Variants in USP25 observed in about 807,000 individuals in gnomAD.
The protein encoded by USP25 is ubiquitin carboxyl-terminal hydrolase 25.
A neutral mutation model predicts 158.5 loss-of-function variants in USP25; 85 were observed. That is an observed-to-expected ratio of 0.54 (90% CI 0.45 to 0.64). The LOEUF is 0.64. USP25 is among the 30% of genes least tolerant of loss of function. The pLI is 0.00. For synonymous variants in USP25, 464 were observed against 460.4 expected, an observed-to-expected ratio of 1.01 and a Z score of -0.10; for missense variants, 1,242 against 1,327.3, an observed-to-expected ratio of 0.94 and a Z score of 1.00.
chr21:15,808,431 C>T (rs1006803678), intron 7 of USP25, among the ~76,000 whole-genome samples: 4 of 152,044 alleles, frequency 2.6e-5, no homozygotes, highest in African/African-American at 4.8e-5. Context: ...CTTTATAAAA[C>T]GAAGAACTGT....
At chr21:15,806,466 G>T in intron 7 of USP25, among the ~76,000 whole-genome samples, 1 of 146,768 alleles carries the variant, frequency 6.8e-6, no homozygotes, top group South Asian at 2.2e-4. Context: ...GATTCATGTT[G>T]ATTTTGGGGT....
intron 1 of USP25, among the ~76,000 whole-genome samples, chr21:15,752,446 C>G (rs2033093327): frequency 6.6e-6 from 1 of 151,484 alleles, no homozygotes; most frequent in Non-Finnish European, 1.5e-5. Flanking sequence ...GAACTCCTGA[C>G]CTTGTGATCC....
intron 4 of USP25, among the ~76,000 whole-genome samples, chr21:15,786,040 AATATAGG>A (rs2035253356): frequency 6.6e-6 from 1 of 152,130 alleles, no homozygotes; most frequent in African/African-American, 2.4e-5. Context: ...CAAATTCTAG[AATATAGG>A]AAAAATGGAT....
rs1389728417 is a variant in USP25 at position 15,766,587 on chromosome 21, TTTA to T, written c.268+452_268+454del. 6.6e-6 allele frequency among the ~76,000 whole-genome samples: 1 copy of T among 151,956 alleles called. No individual in the cohort carries two copies. The highest frequency in any genetic ancestry group is 2.4e-5 in the African/African-American group (1 of 41,414). On this transcript the variant is annotated intron_variant, in intron 3 of 25. Transcript: ENST00000400183. This position sits in a 1 kb window ranked among gnomAD's most constrained non-coding sequence, Gnocchi z 4.0. ...TCCAAATAAAGCTTTGGCAAAGAAGTTTATTATTGTGTAATGAAATTGCCTTTC... is the reference window on the plus strand; with the variant it reads ...TCCAAATAAAGCTTTGGCAAAGAAGTTTATTGTGTAATGAAATTGCCTTTC...
chr21:15,775,765 C>T (rs865963360), intron 3 of USP25, among the ~76,000 whole-genome samples: 117 of 135,270 alleles, frequency 8.6e-4, no homozygotes, highest in Middle Eastern at 3.8e-3. Flanking sequence ...GCCCCCGCTG[C>T]ACTCTGCCTT....
intron 20 of USP25, among the ~76,000 whole-genome samples, chr21:15,851,027 C>T (rs987944077): frequency 6.6e-6 from 1 of 151,792 alleles, no homozygotes; most frequent in African/African-American, 2.4e-5. Flanking sequence ...TAATACATTT[C>T]TTTATAGTTT....
Position 15,826,137 on chromosome 21 carries a change from A to G in USP25, c.1305-67A>G. 1 of 1,482,672 alleles carries G rather than the reference A, an allele frequency of 6.7e-7. No individual in the cohort carries two copies. The highest frequency in any genetic ancestry group is 9.1e-7 in the Non-Finnish European group (1 of 1,097,348). The allele number at this position is 1,482,672 out of a possible 1,614,324, so 91.8% of individuals were successfully genotyped here. On this transcript the variant is annotated intron_variant, in intron 12 of 25. Transcript: ENST00000400183. This position sits in a 1 kb window ranked among gnomAD's most constrained non-coding sequence, Gnocchi z 4.8. ...TTGAAGTATCGTATCACGTTTTATA[A>G]TAATAATAAAGGCCCAAATATGCTG... is the stretch of plus-strand genomic sequence containing the variant.
rs771343653 is a variant in USP25, at chr21:15,831,555, C to A, written c.1919C>A (p.Ser640Tyr). 20 of 1,613,810 alleles carry A rather than the reference C, an allele frequency of 1.2e-5. No individual in the cohort carries two copies. The highest frequency in any genetic ancestry group is 9.3e-6 in the Non-Finnish European group (11 of 1,179,948). Reference sequence around the variant, plus strand: ...TCATGGGAAGAGCTAGTGAGGGACTCTTTTGGTGGTTATAGAAATGCCAGT... The same window carrying A: ...TCATGGGAAGAGCTAGTGAGGGACTATTTTGGTGGTTATAGAAATGCCAGT... ...KSSWEELVRD[S>Y]FGGYRNASAY... The change falls in exon 16 of 26, where the codon TCT (serine) becomes TAT (tyrosine). Residue 640 changes from serine to tyrosine, a missense_variant. Physicochemically the swap from Ser to Tyr is moderately radical, Grantham distance 144. Transcript: ENST00000400183.
intron 1 of USP25, among the ~76,000 whole-genome samples, chr21:15,741,945 A>G (rs1374661673): frequency 6.6e-6 from 1 of 152,226 alleles, no homozygotes; most frequent in Non-Finnish European, 1.5e-5. Context: ...GCACACATAC[A>G]TGAGAAATCT....
intron 17 of USP25, 96 bp downstream of exon 17, chr21:15,833,644 G>A (rs1205922523): frequency 9.2e-7 from 1 of 1,082,682 alleles, no homozygotes; most frequent in Non-Finnish European, 1.3e-6. Context: ...CTTAAAGTGT[G>A]AGGAAATCAG....
At chr21:15,754,039 C>T (rs143170666) in intron 1 of USP25, among the ~76,000 whole-genome samples, 2 of 152,270 alleles carry the variant, frequency 1.3e-5, no homozygotes, top group Non-Finnish European at 2.9e-5. Flanking sequence ...CTTGCTGATA[C>T]AGATACTTTT....
chr21:15,841,292 T>A (rs1486333639), intron 17 of USP25, among the ~76,000 whole-genome samples: 77 of 152,126 alleles, frequency 5.1e-4, no homozygotes. Context: ...GAAAGCACAT[T>A]TATTTCTTTT....
intron 2 of USP25, 120 bp downstream of exon 2, chr21:15,763,088 A>T: frequency 1.1e-6 from 1 of 876,428 alleles, no homozygotes; most frequent in Non-Finnish European, 1.6e-6. Flanking sequence ...AGATACAGGA[A>T]TGGACTTTGT....
At chr21:15,861,304 A>G (rs966846838) in intron 20 of USP25, among the ~76,000 whole-genome samples, 2 of 152,206 alleles carry the variant, frequency 1.3e-5, no homozygotes, top group Non-Finnish European at 2.9e-5. Context: ...ATAAGATTGA[A>G]TAAATGGCAT....
chr21:15,860,505 C>T (rs2039378639), intron 20 of USP25, among the ~76,000 whole-genome samples: 1 of 152,010 alleles, frequency 6.6e-6, no homozygotes, highest in African/African-American at 2.4e-5. Context: ...CTGATATTCC[C>T]ATATTAGTAT....
rs1055646260 is a variant in USP25 at position 15,875,206 on chromosome 21, A to T, written c.3009+680A>T. The stretch of plus-strand genomic sequence containing the variant: ...AAAAACAAGAATATACATAGAATGT[A>T]TTAGAGTAATTTGTTTAACTTAAAA... On this transcript the variant is annotated intron_variant, in intron 24 of 25. Coordinates refer to ENST00000400183, the MANE Select transcript of USP25 (RefSeq NM_001283041.3). The surrounding 1 kb of genome is among the most constrained non-coding windows in gnomAD (Gnocchi z 4.7). Among the ~76,000 whole-genome samples the T allele has an allele frequency of 2.0e-5, 3 of 152,198 alleles. No individual in the cohort carries two copies. Among genetic ancestry groups the T allele is most frequent in the African/African-American group, 7.2e-5 (3 of 41,452 alleles).
intron 1 of USP25, among the ~76,000 whole-genome samples, chr21:15,739,803 A>G (rs1386783248): frequency 2.0e-5 from 3 of 152,228 alleles, no homozygotes; most frequent in East Asian, 1.9e-4. Flanking sequence ...ATGTCACTAT[A>G]TAATGTGAGC....
Position 15,730,354 on chromosome 21 carries a change from G to T in USP25, c.-40G>T. 1.7e-6 allele frequency: 2 copies of T among 1,167,388 alleles called. No homozygotes were observed. Among genetic ancestry groups the T allele is most frequent in the Non-Finnish European group, 1.1e-6 (1 of 948,752 alleles). The allele number at this position is 1,167,388 out of a possible 1,614,324, so 72.3% of individuals were successfully genotyped here. On this transcript the variant is annotated 5_prime_UTR_variant, in exon 1 of 26. Coordinates refer to ENST00000400183, the MANE Select transcript of USP25 (RefSeq NM_001283041.3). ...AGGGCCGGCGGAGGCGCGAGGAGCC[G>T]GGCGCCACCGCCGCCGCCGCCGCCG...
chr21:15,792,024 C>G (rs1458384535), intron 5 of USP25, among the ~76,000 whole-genome samples: 2 of 151,592 alleles, frequency 1.3e-5, no homozygotes, highest in East Asian at 3.9e-4. Context: ...TTCTGTGGGT[C>G]AGATCAGATT....
Sources: allele counts gnomAD v4.1 joint callset (sites outside exome capture counted in the v4.1 genomes callset), GRCh38; gene constraint gnomAD v4.1.1; non-coding constraint Gnocchi (gnomAD v3.1); transcripts MANE v1.5; gene names NCBI Gene and HGNC (gene_info 2026-07-23, HGNC 2026-07-21).